The following MTUS1 variants were observed in gnomAD, a reference collection of about 807,000 sequenced individuals.
The protein encoded by MTUS1 is microtubule associated scaffold protein 1.
In MTUS1, 109 loss-of-function variants were observed where a neutral mutation model predicts 120.8. The observed-to-expected ratio is 0.90, with a 90% confidence interval of 0.77 to 1.06. The LOEUF is 1.06. Ranked by LOEUF, MTUS1 falls within the 50% of genes least tolerant of loss-of-function variation. The pLI, the probability that MTUS1 is intolerant of heterozygous loss-of-function variation, is 0.00. For synonymous variants in MTUS1, 737 were observed against 550.5 expected, an observed-to-expected ratio of 1.34 and a Z score of -4.74; for missense variants, 2,210 against 1,486.3, an observed-to-expected ratio of 1.49 and a Z score of -8.01.
chr8:17,801,156 G>A (rs1368244118), upstream of MTUS1, among the ~76,000 whole-genome samples: 3 of 151,680 alleles, frequency 2.0e-5, no homozygotes, highest in African/African-American at 7.3e-5. Flanking sequence ...AACCCGCCCC[G>A]GAGGTCTCGG....
At chr8:17,670,010 G>C (rs896442472) in intron 8 of MTUS1, among the ~76,000 whole-genome samples, 3 of 152,226 alleles carry the variant, frequency 2.0e-5, no homozygotes, top group Non-Finnish European at 4.4e-5. Flanking sequence ...ACTTAAAACA[G>C]CAGCAGCCAG....
chr8:17,747,663 G>T (rs1215923799), intron 2 of MTUS1, among the ~76,000 whole-genome samples: 1 of 152,140 alleles, frequency 6.6e-6, no homozygotes, highest in African/African-American at 2.4e-5. Flanking sequence ...CCTATGGCCT[G>T]CCTTGCCCCC....
intron 3 of MTUS1, among the ~76,000 whole-genome samples, chr8:17,731,234 A>G (rs572030622): frequency 1.3e-5 from 2 of 152,288 alleles, no homozygotes; most frequent in African/African-American, 4.8e-5. Flanking sequence ...AGAACGGTAC[A>G]GTAGTTAATA....
At chr8:17,725,271 G>A (rs1361145754) in intron 3 of MTUS1, among the ~76,000 whole-genome samples, 1 of 152,136 alleles carries the variant, frequency 6.6e-6, no homozygotes, top group Non-Finnish European at 1.5e-5. Flanking sequence ...GGAAAGTAAT[G>A]CCCATTGCTT....
intron 2 of MTUS1, among the ~76,000 whole-genome samples, chr8:17,746,843 G>C (rs1184487238): frequency 6.6e-6 from 1 of 152,128 alleles, no homozygotes; most frequent in Non-Finnish European, 1.5e-5. Flanking sequence ...CCATTTTAAA[G>C]AACAAGAACA....
intron 13 of MTUS1, among the ~76,000 whole-genome samples, chr8:17,648,869 G>T (rs923569589): frequency 6.6e-6 from 1 of 152,218 alleles, no homozygotes; most frequent in Non-Finnish European, 1.5e-5. Flanking sequence ...GCAAGGCACC[G>T]CGAGGGCGGG....
intron 6 of MTUS1, chr8:17,697,826 T>A: frequency 3.2e-6 from 2 of 630,622 alleles, no homozygotes; most frequent in Non-Finnish European, 4.0e-6. Context: ...AAGTGCCTAA[T>A]GTTTCTTTCA....
At position 17,645,339 on chromosome 8, in the gene MTUS1, A is replaced by T. The variant is rs1805563229; in HGVS notation, c.*587T>A. ...AGCAGAGTTGGTGGTAGATGATCATAATTCAAGCAACTATTGCTTTTTCTT... is the reference window on the plus strand; with the variant it reads ...AGCAGAGTTGGTGGTAGATGATCATTATTCAAGCAACTATTGCTTTTTCTT... On this transcript the variant is annotated 3_prime_UTR_variant, in exon 15 of 15. Transcript: ENST00000693296. The T allele has an allele frequency of 6.5e-6, 1 of 152,854 alleles. No homozygotes were observed. The highest frequency in any genetic ancestry group is 2.4e-5 in the African/African-American group (1 of 41,464). The allele number at this position is 152,854 out of a possible 1,614,324, so 9.5% of individuals were successfully genotyped here.
intron 4 of MTUS1, among the ~76,000 whole-genome samples, chr8:17,718,186 T>A (rs1465864682): frequency 6.6e-6 from 1 of 152,196 alleles, no homozygotes; most frequent in Non-Finnish European, 1.5e-5. Flanking sequence ...ATAATGCTCT[T>A]CAAATATTTC....
At chr8:17,708,901 G>C (rs1365723600) in intron 6 of MTUS1, 2 of 152,192 alleles carry the variant, frequency 1.3e-5, no homozygotes, top group Non-Finnish European at 2.9e-5. Flanking sequence ...ACTTTCGGAG[G>C]CCGAGGCGGG....
chr8:17,715,655 T>G, intron 5 of MTUS1, 112 bp downstream of exon 5: 1 of 1,097,258 alleles, frequency 9.1e-7, no homozygotes, highest in Non-Finnish European at 1.3e-6. Context: ...CTCAACATAT[T>G]TGTAATCATT....
intron 6 of MTUS1, among the ~76,000 whole-genome samples, chr8:17,692,925 A>T (rs1385477103): frequency 6.6e-6 from 1 of 152,228 alleles, no homozygotes; most frequent in Non-Finnish European, 1.5e-5. Context: ...ATCCCTCGAT[A>T]CGTACGTACA....
intron 8 of MTUS1, among the ~76,000 whole-genome samples, chr8:17,664,831 G>T (rs1810548828): frequency 6.6e-6 from 1 of 152,080 alleles, no homozygotes; most frequent in Non-Finnish European, 1.5e-5. Flanking sequence ...TTTGAAACTG[G>T]AGGTAGTAAC....
At chr8:17,694,929 C>T (rs1437499806) in intron 6 of MTUS1, among the ~76,000 whole-genome samples, 3 of 152,074 alleles carry the variant, frequency 2.0e-5, no homozygotes, top group Admixed American at 6.6e-5. Flanking sequence ...ATTTTGTAGC[C>T]GTGTGAGGTT....
chr8:17,660,540 G>A lies in MTUS1; in HGVS notation c.2906-4475C>T, dbSNP rs547940232. 2.0e-5 allele frequency among the ~76,000 whole-genome samples: 3 copies of A among 152,212 alleles called. No homozygotes were observed. The South Asian group carries it at 6.2e-4, about 32-fold the overall frequency. ...GAGTCCCTGCTTTCAATTCTTTGGT[G>A]TATATACCCAGAAGGAATTGCTGAC... On this transcript the variant is annotated intron_variant, in intron 8 of 14. Transcript: ENST00000693296.
chr8:17,711,836 G>C (rs1277360809), intron 6 of MTUS1, among the ~76,000 whole-genome samples: 2 of 152,056 alleles, frequency 1.3e-5, no homozygotes, highest in African/African-American at 4.8e-5. Flanking sequence ...GGTCATTATA[G>C]GGCTATTAAT....
At chr8:17,674,489 T>C (rs377596675) in intron 8 of MTUS1, 2 of 985,042 alleles carry the variant, frequency 2.0e-6, no homozygotes, top group East Asian at 2.3e-4. Context: ...GTCTGTTCCA[T>C]GAACCCTAAG....
Position 17,657,340 on chromosome 8 carries a change from G to C in MTUS1, c.2906-1275C>G, listed in dbSNP as rs368786969. ...TCCCAGCACTTTGGGAGGCCGAGGC[G>C]GGCGGATCACGAGGTCAGGAGATCG... On this transcript the variant is annotated intron_variant, in intron 8 of 14. Transcript: ENST00000693296. Among the ~76,000 whole-genome samples the C allele has an allele frequency of 1.3e-5, 2 of 151,194 alleles. 1 individual carries two copies. The highest frequency in any genetic ancestry group is 1.3e-4 in the Admixed American group (2 of 15,180).
chr8:17,783,771 G>A (rs2051079120), intron 1 of MTUS1, among the ~76,000 whole-genome samples: 1 of 152,104 alleles, frequency 6.6e-6, no homozygotes, highest in African/African-American at 2.4e-5. Flanking sequence ...ACCCCCAGCA[G>A]TAATTTCTCA....
Sources: gnomAD v4.1 joint callset for allele counts (sites outside exome capture counted in the v4.1 genomes callset) on GRCh38, gnomAD v4.1.1 for gene constraint, MANE v1.5 for transcripts, NCBI Gene and HGNC (gene_info 2026-07-23, HGNC 2026-07-21) for gene names.